Variants in ASCC3 observed in about 807,000 individuals in gnomAD.
ASCC3 encodes ASC-1 complex subunit P200.
A neutral mutation model predicts 256.3 loss-of-function variants in ASCC3; 158 were observed. That is an observed-to-expected ratio of 0.62 (90% CI 0.54 to 0.70). The LOEUF (loss-of-function observed/expected upper bound fraction) is 0.70, where lower values mean the gene tolerates loss of function less well. Ranked by LOEUF, ASCC3 falls within the 30% of genes least tolerant of loss-of-function variation. The pLI, the probability that ASCC3 is intolerant of heterozygous loss-of-function variation, is 0.00. For missense variants in ASCC3, 2,259 were observed against 2,626.0 expected (o/e 0.86, Z 3.05); for synonymous variants, 948 against 883.4 (o/e 1.07, Z -1.30).
intron 36 of ASCC3, among the ~76,000 whole-genome samples, chr6:100,559,217 C>G (rs1769794139): frequency 6.6e-6 from 1 of 152,140 alleles, no homozygotes; most frequent in Non-Finnish European, 1.5e-5. Flanking sequence ...GCATTGCAAT[C>G]AGAATGACTT....
chr6:100,707,443 A>G (rs1210815236), intron 13 of ASCC3, among the ~76,000 whole-genome samples: 1 of 152,076 alleles, frequency 6.6e-6, no homozygotes, highest in Non-Finnish European at 1.5e-5. Flanking sequence ...AAATACCAAC[A>G]GAAGCTACCT....
intron 5 of ASCC3, among the ~76,000 whole-genome samples, chr6:100,804,686 C>T (rs1486256005): frequency 6.6e-6 from 1 of 152,134 alleles, no homozygotes; most frequent in African/African-American, 2.4e-5. Context: ...AAACACAAAT[C>T]AAAACCACAA....
At chr6:100,868,843 AAG>A (rs767878866) in intron 1 of ASCC3, among the ~76,000 whole-genome samples, 71 of 152,228 alleles carry the variant, frequency 4.7e-4, no homozygotes, top group Non-Finnish European at 9.7e-4. Flanking sequence ...CATACCGGGA[AAG>A]AGAGAATTCA....
chr6:100,701,300 GA>G (rs1778340861), intron 13 of ASCC3, among the ~76,000 whole-genome samples: 1 of 152,116 alleles, frequency 6.6e-6, no homozygotes, highest in Admixed American at 6.5e-5. Context: ...CTATTCTCAT[GA>G]TTGGGAATAA....
At chr6:100,744,526 A>G (rs1199986399) in intron 10 of ASCC3, among the ~76,000 whole-genome samples, 1 of 152,198 alleles carries the variant, frequency 6.6e-6, no homozygotes, top group Admixed American at 6.5e-5. Context: ...TGAAATGACA[A>G]ACTAATAAAA....
rs745649250 is a variant in ASCC3, at chr6:100,650,711, TGACCTAGAAGAA to T, written c.3076-9_3078del. The T allele has an allele frequency of 6.2e-7, 1 of 1,607,642 alleles. No individual in the cohort carries two copies. The highest frequency in any genetic ancestry group is 1.1e-5 in the South Asian group (1 of 90,906). On this transcript the variant is annotated splice_acceptor_variant and splice_polypyrimidine_tract_variant and coding_sequence_variant and intron_variant, in exon 20 of 42. Coordinates refer to ENST00000369162, the MANE Select transcript of ASCC3 (RefSeq NM_006828.4). LOFTEE classifies it high-confidence loss of function. The stretch of plus-strand genomic sequence containing the variant: ...TCTAACTCCTCTATTTCCTCTTCTC[TGACCTAGAAGAA>T]TCAATGTATTTATTGGAATTTTGGG...
At chr6:100,843,218 A>G (rs1772229231) in intron 4 of ASCC3, among the ~76,000 whole-genome samples, 4 of 152,184 alleles carry the variant, frequency 2.6e-5, no homozygotes, top group African/African-American at 9.6e-5. Flanking sequence ...GGATGATAGA[A>G]TCATTTCCAA....
chr6:100,744,589 G>C (rs1780580159), intron 10 of ASCC3, among the ~76,000 whole-genome samples: 1 of 151,996 alleles, frequency 6.6e-6, no homozygotes, highest in African/African-American at 2.4e-5. Flanking sequence ...AGTTGTACAG[G>C]GTCATTTTGC....
At chr6:100,702,277 T>A (rs1188693866) in intron 13 of ASCC3, among the ~76,000 whole-genome samples, 1 of 151,920 alleles carries the variant, frequency 6.6e-6, no homozygotes, top group Non-Finnish European at 1.5e-5. Flanking sequence ...TAGGCATTGG[T>A]GAGGGTTTAC....
At chr6:100,662,577 A>AAAGCAATTGTTTTTAGCATTTCTGTTG in intron 14 of ASCC3, 41 bp from the exon 15 acceptor site, 1 of 1,591,996 alleles carries the variant, frequency 6.3e-7, no homozygotes. Context: ...TTAGCATTTA[A>AAAGCAATTGTTTTTAGCATTTCTGTTG]AAGCAATTGT....
chr6:100,655,362 G>T (rs1392388991), intron 17 of ASCC3, among the ~76,000 whole-genome samples: 1 of 151,760 alleles, frequency 6.6e-6, no homozygotes, highest in African/African-American at 2.4e-5. Flanking sequence ...ATCAAATATG[G>T]TCTATAAGTT....
rs143119831 is a variant in ASCC3 at position 100,848,668 on chromosome 6, G to A, written c.281C>T (p.Ala94Val). The A allele has an allele frequency of 2.4e-5, 38 of 1,613,522 alleles. No individual in the cohort carries two copies. The highest frequency in any genetic ancestry group is 3.0e-5 in the Non-Finnish European group (35 of 1,180,024). The change falls in exon 4 of 42, where the codon GCT (alanine) becomes GTT (valine). Residue 94 changes from alanine (A) to valine (V), a missense_variant. Transcript: ENST00000369162. ...DNGREAIESG[A>V]AFLFMTFHLK... ...GTGAAATGTCATGAAGAGAAATGCA[G>A]CCCCACTTTCAATTGCTTCTCTCCC...
Position 100,540,293 on chromosome 6 carries a change from T to A in ASCC3, c.5645A>T (p.His1882Leu), listed in dbSNP as rs538848203. 14 of 1,613,852 alleles carry A rather than the reference T, an allele frequency of 8.7e-6. No individual in the cohort carries two copies. In the South Asian group the frequency reaches 1.5e-4, roughly 18 times the overall value. Reference sequence around the variant, plus strand: ...TTTGGTGTGAGGGCTGTCAAATGAATGAGGATTTGATTCAATGGGAAGACA... The same window carrying A: ...TTTGGTGTGAGGGCTGTCAAATGAAAGAGGATTTGATTCAATGGGAAGACA... ...AKCLPIESNP[H>L]SFDSPHTKAH... is the part of the protein sequence containing the mutation. Residue 1882 changes from histidine (H) to leucine (L), a missense_variant, in exon 37 of 42, where the codon CAT becomes CTT. His to Leu is a moderately conservative substitution (Grantham distance 99, BLOSUM62 -3). Around this residue, in one of 2 missense-constraint regions of ASCC3, gnomAD observed 1,839 missense variants for 2,206.7 expected, o/e 0.83. Coordinates refer to ENST00000369162, the MANE Select transcript of ASCC3 (RefSeq NM_006828.4).
intron 10 of ASCC3, among the ~76,000 whole-genome samples, chr6:100,736,498 T>C (rs1780175960): frequency 6.7e-6 from 1 of 149,126 alleles, no homozygotes; most frequent in East Asian, 2.2e-4. Context: ...TAAAACTCCA[T>C]TTCAAAAAAA....
chr6:100,515,230 T>C (rs1378104879), intron 39 of ASCC3, among the ~76,000 whole-genome samples: 2 of 152,226 alleles, frequency 1.3e-5, no homozygotes, highest in Admixed American at 1.3e-4. Context: ...TTTTTATTCA[T>C]AATTTTGATG....
At chr6:100,562,256 C>A (rs1479161603) in intron 36 of ASCC3, among the ~76,000 whole-genome samples, 1 of 151,986 alleles carries the variant, frequency 6.6e-6, no homozygotes, top group Non-Finnish European at 1.5e-5. Context: ...GTAGTAACAA[C>A]AAAAGTTTTC....
At chr6:100,793,874 GCTGAACATGCAC>G (rs1769473083) in intron 8 of ASCC3, among the ~76,000 whole-genome samples, 1 of 151,938 alleles carries the variant, frequency 6.6e-6, no homozygotes, top group South Asian at 2.1e-4. Context: ...AACACTGTAT[GCTGAACATGCAC>G]AAAAGTTTTT....
At chr6:100,812,269 G>C (rs951060583) in intron 4 of ASCC3, among the ~76,000 whole-genome samples, 2 of 151,982 alleles carry the variant, frequency 1.3e-5, no homozygotes, top group African/African-American at 4.8e-5. Context: ...AAAATTATAA[G>C]GCATGTAAAG....
At chr6:100,645,864 A>C (rs560492103) in intron 22 of ASCC3, among the ~76,000 whole-genome samples, 8 of 152,292 alleles carry the variant, frequency 5.3e-5, no homozygotes, top group Non-Finnish European at 1.5e-5. Context: ...GAAGTAAAGA[A>C]AATAACTGAG....
Sources: allele counts gnomAD v4.1 joint callset (sites outside exome capture counted in the v4.1 genomes callset), GRCh38; gene constraint gnomAD v4.1.1; regional missense constraint gnomAD v4.1.1; transcripts MANE v1.5; gene names NCBI Gene and HGNC (gene_info 2026-07-23, HGNC 2026-07-21).